Variants in WWOX observed in about 807,000 individuals in gnomAD.
WWOX encodes the protein WW domain-containing oxidoreductase.
A neutral mutation model predicts 46.2 loss-of-function variants in WWOX; 69 were observed. The ratio of observed to expected loss-of-function variants is 1.49; its 90% CI spans 1.23 to 1.82. WWOX has a LOEUF of 1.82. WWOX is among the 40% of genes most tolerant of loss of function. The pLI is 0.00. For synonymous variants in WWOX, 359 were observed against 202.6 expected (o/e 1.77, Z -6.56); for missense variants, 919 against 542.6 (o/e 1.69, Z -6.89).
chr16:79,140,209 C>T (rs575457742), intron 8 of WWOX, among the ~76,000 whole-genome samples: 8 of 152,308 alleles, frequency 5.3e-5, no homozygotes, highest in Non-Finnish European at 7.4e-5. Flanking sequence ...CATTCTAACT[C>T]GTGGCTAAAC....
At chr16:78,120,139 C>A (rs2033014066) in intron 4 of WWOX, among the ~76,000 whole-genome samples, 1 of 152,126 alleles carries the variant, frequency 6.6e-6, no homozygotes, top group Non-Finnish European at 1.5e-5. Context: ...GTCACAAAAT[C>A]ACCTCTCTAA....
chr16:79,063,130 C>T (rs573637594), intron 8 of WWOX, among the ~76,000 whole-genome samples: 1 of 152,270 alleles, frequency 6.6e-6, no homozygotes, highest in South Asian at 2.1e-4. Flanking sequence ...TGAGCTATTT[C>T]CCCACTTCTG....
chr16:79,184,138 G>A (rs552510664), intron 8 of WWOX, among the ~76,000 whole-genome samples: 1 of 152,262 alleles, frequency 6.6e-6, no homozygotes, highest in East Asian at 1.9e-4. Flanking sequence ...CTTCTGAATG[G>A]ATTGTAAATT....
intron 8 of WWOX, among the ~76,000 whole-genome samples, chr16:79,178,415 C>G (rs999450566): frequency 1.3e-5 from 2 of 152,084 alleles, no homozygotes; most frequent in African/African-American, 4.8e-5. Flanking sequence ...CTCCTGGGAT[C>G]AAGCAGTCTT....
At chr16:78,793,965 GA>G (rs1301702589) in intron 8 of WWOX, among the ~76,000 whole-genome samples, 1 of 152,120 alleles carries the variant, frequency 6.6e-6, no homozygotes, top group Non-Finnish European at 1.5e-5. Context: ...GTAGGGCTCA[GA>G]AAGACCCATG....
intron 8 of WWOX, among the ~76,000 whole-genome samples, chr16:78,766,747 T>C (rs1292473245): frequency 6.6e-6 from 1 of 152,228 alleles, no homozygotes; most frequent in African/African-American, 2.4e-5. Flanking sequence ...TTCCACAGAT[T>C]TTAATGTTCA....
chr16:78,528,386 A>C (rs2043534629), intron 8 of WWOX, among the ~76,000 whole-genome samples: 1 of 151,840 alleles, frequency 6.6e-6, no homozygotes, highest in Non-Finnish European at 1.5e-5. Flanking sequence ...AAGAATTAAC[A>C]GCAGAAGATC....
intron 5 of WWOX, among the ~76,000 whole-genome samples, chr16:78,179,026 G>T (rs1399256282): frequency 1.3e-5 from 2 of 152,160 alleles, no homozygotes; most frequent in African/African-American, 4.8e-5. Flanking sequence ...CTTGGCAGGG[G>T]TGTTCATGAT....
At chr16:78,168,354 C>T (rs1401607165) in intron 5 of WWOX, 1 of 152,138 alleles carries the variant, frequency 6.6e-6, no homozygotes, top group Non-Finnish European at 1.5e-5. Context: ...AGCTAACAGC[C>T]CCCATTTATC....
At chr16:79,154,414 A>G (rs1285772733) in intron 8 of WWOX, among the ~76,000 whole-genome samples, 5 of 151,742 alleles carry the variant, frequency 3.3e-5, no homozygotes, top group Non-Finnish European at 7.4e-5. Flanking sequence ...TCCATTTTCA[A>G]TACTGGCCCC....
At chr16:78,677,507 C>T (rs144173009) in intron 8 of WWOX, among the ~76,000 whole-genome samples, 117 of 152,270 alleles carry the variant, frequency 7.7e-4, no homozygotes, top group Non-Finnish European at 1.4e-3. Context: ...TGAGCCTGTT[C>T]TGTGGTCAGT....
chr16:79,211,628 C>T lies in WWOX; in HGVS notation c.1077C>T (p.Thr359=), dbSNP rs150912992. The T allele has an allele frequency of 7.7e-5, 125 of 1,614,222 alleles. No individual in the cohort carries two copies. The highest frequency in any genetic ancestry group is 9.7e-5 in the Non-Finnish European group (114 of 1,180,044). Residue 359 remains threonine (T), a synonymous_variant, in exon 9 of 9, where the codon ACC becomes ACT. Transcript: ENST00000566780. The part of the protein sequence containing the change: ...TKSMQQGAAT[T]VYCAAVPELE... ...TCCAGCAACAGGGAGCTGCCACCAC[C>T]GTGTACTGTGCTGCTGTCCCAGAAC... is the stretch of plus-strand genomic sequence containing the variant.
intron 8 of WWOX, among the ~76,000 whole-genome samples, chr16:78,556,361 G>T (rs1248043279): frequency 6.6e-6 from 1 of 152,130 alleles, no homozygotes; most frequent in Non-Finnish European, 1.5e-5. Flanking sequence ...TTCAAGGAAG[G>T]CAAAGGGAAT....
chr16:78,236,655 A>G (rs2037448238), intron 5 of WWOX, among the ~76,000 whole-genome samples: 1 of 152,188 alleles, frequency 6.6e-6, no homozygotes, highest in African/African-American at 2.4e-5. Context: ...AGACACTAGT[A>G]ACCATGAACC....
intron 8 of WWOX, among the ~76,000 whole-genome samples, chr16:79,054,637 C>T (rs1043689181): frequency 3.3e-5 from 5 of 152,096 alleles, no homozygotes; most frequent in African/African-American, 1.2e-4. Flanking sequence ...TCCTGGGCAA[C>T]ATAGTGAGAC....
intron 8 of WWOX, among the ~76,000 whole-genome samples, chr16:78,886,390 C>G (rs1053854741): frequency 1.3e-5 from 2 of 151,568 alleles, no homozygotes; most frequent in African/African-American, 4.8e-5. Context: ...GAAATAAATC[C>G]TAAATGTAAT....
chr16:78,756,005 A>G (rs1327213187), intron 8 of WWOX, among the ~76,000 whole-genome samples: 1 of 152,204 alleles, frequency 6.6e-6, no homozygotes, highest in Admixed American at 6.5e-5. Flanking sequence ...TGTATGACCA[A>G]GTCTCTTGGA....
chr16:78,157,794 T>C (rs1423821896), intron 4 of WWOX, among the ~76,000 whole-genome samples: 1 of 152,202 alleles, frequency 6.6e-6, no homozygotes, highest in Non-Finnish European at 1.5e-5. Context: ...CGGGTTACCA[T>C]TGGTAGCACA....
rs566396916 is a variant in WWOX at position 78,454,859 on chromosome 16, C to T, written c.1056+22107C>T. Among the ~76,000 whole-genome samples, 9 of 152,262 alleles carry T rather than the reference C, an allele frequency of 5.9e-5. No homozygotes were observed. The South Asian group carries it at 8.3e-4, about 14-fold the overall frequency. On this transcript the variant is annotated intron_variant, in intron 8 of 8. Coordinates refer to ENST00000566780, the MANE Select transcript of WWOX (RefSeq NM_016373.4). ...GACCCAGTTTCAATACCAACTGTTG[C>T]TTTCACCACCCACTATTGGTTTCAC...
Sources: gnomAD v4.1 joint callset for allele counts (sites outside exome capture counted in the v4.1 genomes callset) on GRCh38, gnomAD v4.1.1 for gene constraint, MANE v1.5 for transcripts, NCBI Gene and HGNC (gene_info 2026-07-23, HGNC 2026-07-21) for gene names.